Variants in BRF2 observed in about 807,000 individuals in gnomAD.
The protein encoded by BRF2 is transcription factor IIIB 50 kDa subunit.
In BRF2, 17 loss-of-function variants were observed where a neutral mutation model predicts 26.6. That is an observed-to-expected ratio of 0.64 (90% CI 0.44 to 0.96). The LOEUF (loss-of-function observed/expected upper bound fraction) is 0.96, where lower values mean the gene tolerates loss of function less well. BRF2 is among the 40% of genes least tolerant of loss of function. BRF2 has a pLI of 0.00. For missense variants in BRF2, 515 were observed against 537.0 expected (o/e 0.96, Z 0.40); for synonymous variants, 219 against 226.6 (o/e 0.97, Z 0.30).
In BRF2 at chr8:37,845,136, A is replaced by C; in HGVS notation, c.614T>G (p.Met205Arg). 2 of 1,613,670 alleles carry C rather than the reference A, an allele frequency of 1.2e-6. No homozygotes were observed. The highest frequency in any genetic ancestry group is 1.7e-6 in the Non-Finnish European group (2 of 1,179,892). Reference protein sequence around the residue: ...EDKEKMLSRTMQLVELANETW... With the variant: ...EDKEKMLSRTRQLVELANETW... ...CTCATTTGCCAGCTCCACCAACTGC[A>C]TTGTTCGAGACAGCATCTTCTCTTT... The change falls in exon 4 of 4, where the codon ATG (methionine) becomes AGG (arginine). Residue 205 changes from methionine (M) to arginine (R), a missense_variant. Physicochemically the swap from Met to Arg is moderately conservative, Grantham distance 91. Transcript: ENST00000220659.
At chr8:37,849,536 CG>C in intron 1 of BRF2, 93 bp downstream of exon 1, 1 of 1,010,928 alleles carries the variant, frequency 9.9e-7, no homozygotes, top group Admixed American at 2.2e-5. Context: ...TAAGTGTGTG[CG>C]TTACAGTTAG....
intron 1 of BRF2, 48 bp from the exon 2 acceptor site, chr8:37,848,703 G>C (rs970701297): frequency 1.5e-5 from 22 of 1,473,178 alleles, no homozygotes; most frequent in Non-Finnish European, 1.9e-5. Context: ...TTATTCATCA[G>C]ACCCCTGCCC....
intron 2 of BRF2, among the ~76,000 whole-genome samples, chr8:37,848,368 T>C (rs1308736030): frequency 6.6e-6 from 1 of 152,154 alleles, no homozygotes; most frequent in African/African-American, 2.4e-5. Context: ...TGCCTCAGCC[T>C]GCCAAGTAGC....
chr8:37,845,664 G>A (rs759472743), intron 3 of BRF2: 27 of 696,736 alleles, frequency 3.9e-5, no homozygotes, highest in Admixed American at 8.2e-5. Flanking sequence ...AGAGCCAGGC[G>A]CAGTGCTCAC....
Position 37,845,126 on chromosome 8 carries a change from CA to C in BRF2, c.623del (p.Val208GlyfsTer10), listed in dbSNP as rs1270271428. The C allele has an allele frequency of 1.2e-6, 2 of 1,613,734 alleles. No individual in the cohort carries two copies. The highest frequency in any genetic ancestry group is 2.2e-5 in the East Asian group (1 of 44,896). On this transcript the variant is annotated frameshift_variant, in exon 4 of 4. Coordinates refer to ENST00000220659, the MANE Select transcript of BRF2 (RefSeq NM_018310.4). LOFTEE classifies it low-confidence loss of function (END_TRUNC). ...CCAGCCACGTCTCATTTGCCAGCTC[CA>C]CCAACTGCATTGTTCGAGACAGCAT... is the stretch of plus-strand genomic sequence containing the variant. The part of the protein sequence containing the change: ...EKMLSRTMQL[V>X]ELANETWLVT...
chr8:37,846,812 ACCCAT>A, intron 3 of BRF2, 37 bp downstream of exon 3: 3 of 1,398,612 alleles, frequency 2.1e-6, no homozygotes, highest in Non-Finnish European at 2.0e-6. Flanking sequence ...AGGTCTAAGG[ACCCAT>A]CCCATCCCAT....
rs1205735487 is a variant in BRF2 at position 37,844,034 on chromosome 8, C to T, written c.*456G>A. The T allele has an allele frequency of 1.7e-5, 3 of 177,840 alleles. No individual in the cohort carries two copies. Among genetic ancestry groups the T allele is most frequent in the Non-Finnish European group, 2.4e-5 (2 of 81,688 alleles). The allele number at this position is 177,840 out of a possible 1,614,324, so 11.0% of individuals were successfully genotyped here. ...GTAGAGGATCTCATGACACCATACA[C>T]ACAAACCCATCATTGCCTGTGAATG... On this transcript the variant is annotated 3_prime_UTR_variant, in exon 4 of 4. Transcript: ENST00000220659.
chr8:37,845,827 A>C, intron 3 of BRF2: 1 of 606,784 alleles, frequency 1.6e-6, no homozygotes, highest in Middle Eastern at 2.5e-4. Flanking sequence ...TTAGCTTCTA[A>C]GCCCAGTTAT....
Position 37,844,830 on chromosome 8 carries a change from A to G in BRF2, c.920T>C (p.Leu307Pro), listed in dbSNP as rs1805922061. Reference sequence around the variant, plus strand: ...CCCATCCCGAAAGGCAGAGCGGACCAGTGACTGGCGGTGCTGGAGAAGGTC... The same window carrying G: ...CCCATCCCGAAAGGCAGAGCGGACCGGTGACTGGCGGTGCTGGAGAAGGTC... The part of the protein sequence containing the change: ...IGDLLQHRQS[L>P]VRSAFRDGTA... Residue 307 changes from leucine (L) to proline (P), a missense_variant, in exon 4 of 4, where the codon CTG becomes CCG. Physicochemically the swap from Leu to Pro is moderately conservative, Grantham distance 98 (BLOSUM62 -3). Transcript: ENST00000220659. 1 of 1,614,156 alleles carries G rather than the reference A, an allele frequency of 6.2e-7. No homozygotes were observed. The highest frequency in any genetic ancestry group is 1.1e-5 in the South Asian group (1 of 91,080).
chr8:37,849,752 C>T lies in BRF2; in HGVS notation c.32G>A (p.Gly11Asp). The T allele has an allele frequency of 1.9e-6, 3 of 1,612,748 alleles. No individual in the cohort carries two copies. Among genetic ancestry groups the T allele is most frequent in the Non-Finnish European group, 2.5e-6 (3 of 1,179,836 alleles). Residue 11 changes from glycine (G) to aspartate (D), a missense_variant, in exon 1 of 4, where the codon GGC becomes GAC. Transcript: ENST00000220659. Reference protein sequence around the residue: MPGRGRCPDCGSTELVEDSHY... With the variant: MPGRGRCPDCDSTELVEDSHY... ...CGAGTCTTCCACCAGCTCCGTGGAGCCGCAGTCCGGGCAGCGGCCTCTGCC... is the reference window on the plus strand; with the variant it reads ...CGAGTCTTCCACCAGCTCCGTGGAGTCGCAGTCCGGGCAGCGGCCTCTGCC...
chr8:37,849,203 C>T (rs1359035204), intron 1 of BRF2, among the ~76,000 whole-genome samples: 1 of 152,212 alleles, frequency 6.6e-6, no homozygotes, highest in African/African-American at 2.4e-5. Flanking sequence ...GGATTACAGG[C>T]GTAAGCCACC....
In BRF2 at chr8:37,843,494, A is replaced by C. The variant is rs1805877540; in HGVS notation, c.*996T>G. 1 of 152,122 alleles carries C rather than the reference A, an allele frequency of 6.6e-6. No homozygotes were observed. The highest frequency in any genetic ancestry group is 1.5e-5 in the Non-Finnish European group (1 of 68,050). 9.4% of individuals were successfully genotyped at this position (152,122 alleles called of 1,614,324 possible). ...GCCTTTACTCCTTTTAAACACCAGC[A>C]CCCGTCTTTTCCCCAACCTAAAACC... On this transcript the variant is annotated 3_prime_UTR_variant, in exon 4 of 4. Transcript: ENST00000220659.
intron 3 of BRF2, chr8:37,845,894 T>C: frequency 1.7e-6 from 1 of 576,080 alleles, no homozygotes; most frequent in Non-Finnish European, 3.1e-6. Context: ...GAGACAGAGC[T>C]GGGCATTCAG....
chr8:37,849,405 T>C (rs1462261408), intron 1 of BRF2, among the ~76,000 whole-genome samples: 1 of 152,232 alleles, frequency 6.6e-6, no homozygotes, highest in Non-Finnish European at 1.5e-5. Context: ...CTGTCTCACT[T>C]ATTCAATATT....
chr8:37,845,713 G>C (rs1805944613), intron 3 of BRF2: 3 of 700,444 alleles, frequency 4.3e-6, no homozygotes, highest in Non-Finnish European at 7.8e-6. Context: ...CAGGTGGGCA[G>C]ATCGCTTGAG....
At chr8:37,847,449 G>A (rs894729222) in intron 2 of BRF2, 1 of 569,366 alleles carries the variant, frequency 1.8e-6, no homozygotes, top group Non-Finnish European at 3.3e-6. Context: ...GCTCTTAGAG[G>A]CTACCTCAAA....
chr8:37,846,836 C>A lies in BRF2; in HGVS notation c.536+18G>T, dbSNP rs1805967038. 6.3e-7 allele frequency: 1 copy of A among 1,587,040 alleles called. No individual in the cohort carries two copies. On this transcript the variant is annotated intron_variant, in intron 3 of 3. Coordinates refer to ENST00000220659, the MANE Select transcript of BRF2 (RefSeq NM_018310.4). ...GACCCATCCCATCCCATCCTACTGTCTCCCACCAGGGACGTACCTGCTGCA... is the reference window on the plus strand; with the variant it reads ...GACCCATCCCATCCCATCCTACTGTATCCCACCAGGGACGTACCTGCTGCA...
Position 37,846,902 on chromosome 8 carries a change from T to A in BRF2, c.488A>T (p.Asp163Val), listed in dbSNP as rs772148018. The A allele has an allele frequency of 6.2e-7, 1 of 1,614,094 alleles. No homozygotes were observed. The highest frequency in any genetic ancestry group is 8.5e-7 in the Non-Finnish European group (1 of 1,179,988). ...YMQIVKLLGL[D>V]VPSLCLAELV... ...TTCTGCCAAGCACAGAGATGGCACA[T>A]CCAGTCCCAGGAGCTTCACTATCTG... Residue 163 changes from aspartate to valine, a missense_variant, in exon 3 of 4, where the codon GAT becomes GTT. Asp to Val is a radical substitution (Grantham distance 152). Transcript: ENST00000220659.
rs577854881 is a variant in BRF2, at chr8:37,845,249, T to C, written c.537-36A>G. The C allele has an allele frequency of 2.6e-6, 4 of 1,548,354 alleles. No homozygotes were observed. The African/African-American group carries it at 4.1e-5, about 16-fold the overall frequency. On this transcript the variant is annotated intron_variant, in intron 3 of 3. Coordinates refer to ENST00000220659, the MANE Select transcript of BRF2 (RefSeq NM_018310.4). ...CAAAATGAGGGTTGGATCTTAATGA[T>C]ATAGGGGCTGCTCTCCCACAGTGAG...
Sources: gnomAD v4.1 joint callset for allele counts (sites outside exome capture counted in the v4.1 genomes callset) on GRCh38, gnomAD v4.1.1 for gene constraint, MANE v1.5 for transcripts, NCBI Gene and HGNC (gene_info 2026-07-23, HGNC 2026-07-21) for gene names.